Variants in CLSPN observed in about 807,000 individuals in gnomAD.
The protein encoded by CLSPN is claspin, also known as claspin homolog.
A neutral mutation model predicts 156.3 loss-of-function variants in CLSPN; 85 were observed. The ratio of observed to expected loss-of-function variants is 0.54; its 90% CI spans 0.46 to 0.65. CLSPN has a LOEUF of 0.65. Ranked by LOEUF, CLSPN falls within the 30% of genes least tolerant of loss-of-function variation. The probability of loss-of-function intolerance (pLI) is 0.00; values close to 1 mark genes in which losing one functional copy is unlikely to be tolerated. For missense variants in CLSPN, 1,407 were observed against 1,554.9 expected, an observed-to-expected ratio of 0.90 and a Z score of 1.60; for synonymous variants, 534 against 542.4, an observed-to-expected ratio of 0.98 and a Z score of 0.22.
intron 24 of CLSPN, among the ~76,000 whole-genome samples, chr1:35,723,463 T>C (rs1270818429): frequency 2.6e-5 from 4 of 152,146 alleles, no homozygotes; most frequent in Non-Finnish European, 5.9e-5. Context: ...ATCCAGGAAA[T>C]AGGACAGGCC....
Position 35,735,192 on chromosome 1 carries a change from CTGTGG to C in CLSPN, c.*1299_*1303del. 1 of 985,442 alleles carries C rather than the reference CTGTGG, an allele frequency of 1.0e-6. No homozygotes were observed. The highest frequency in any genetic ancestry group is 1.2e-6 in the Non-Finnish European group (1 of 829,932). 61.0% of individuals were successfully genotyped at this position (985,442 alleles called of 1,614,324 possible). A position where few individuals can be genotyped will look rare whatever the true frequency, so the allele number is the denominator to read the frequency against. ...AGGAAGGGTCTCTCTGCCCCACAGA[CTGTGG>C]TGGACAAACACTGGGTGTAACACTT... is the stretch of plus-strand genomic sequence containing the variant. On this transcript the variant is annotated 3_prime_UTR_variant, in exon 25 of 25. Coordinates refer to ENST00000318121, the MANE Select transcript of CLSPN (RefSeq NM_022111.4).
intron 16 of CLSPN, among the ~76,000 whole-genome samples, chr1:35,744,468 A>AT (rs916568779): frequency 6.6e-6 from 1 of 151,662 alleles, no homozygotes; most frequent in African/African-American, 2.4e-5. Context: ...TAATTTTAGT[A>AT]TTTTTTTTAT....
At chr1:35,749,832 C>G (rs11264197) in intron 10 of CLSPN, 21 bp from the exon 11 acceptor site, 2 of 1,599,762 alleles carry the variant, frequency 1.3e-6, no homozygotes, top group East Asian at 2.2e-5. Context: ...CAGGCCACCA[C>G]AAAACAAAAA....
intron 9 of CLSPN, 37 bp from the exon 10 acceptor site, chr1:35,751,543 A>G: frequency 6.3e-7 from 1 of 1,583,008 alleles, no homozygotes; most frequent in East Asian, 2.2e-5. Context: ...TAGACATAAT[A>G]CAATAATTAG....
chr1:35,727,202 C>A (rs1641210256), downstream of CLSPN, among the ~76,000 whole-genome samples: 1 of 152,220 alleles, frequency 6.6e-6, no homozygotes, highest in South Asian at 2.1e-4. Flanking sequence ...TTATTAAGAA[C>A]CTCCTTTGGG....
chr1:35,721,021 G>C (rs768696136), intron 24 of CLSPN: 10 of 1,347,762 alleles, frequency 7.4e-6, no homozygotes, highest in Non-Finnish European at 9.5e-6. Context: ...GGAAGAAACA[G>C]AGATGAGAGA....
chr1:35,769,373 C>T (rs867452237), intron 1 of CLSPN, among the ~76,000 whole-genome samples: 154 of 152,220 alleles, frequency 1.0e-3, no homozygotes, highest in African/African-American at 3.6e-3. Flanking sequence ...AGGGCCTGCG[C>T]GCGATGACCT....
chr1:35,763,797 G>GTTT (rs33972058), intron 3 of CLSPN, among the ~76,000 whole-genome samples: 1 of 139,104 alleles, frequency 7.2e-6, no homozygotes, highest in African/African-American at 2.6e-5. Context: ...TTTGGTTTTT[G>GTTT]TTTTTTTTTT....
Position 35,764,365 on chromosome 1 carries a change from A to C in CLSPN, c.483T>G (p.Thr161=). The part of the protein sequence containing the change: ...SKKHIHDKEG[T]AGKAKVKSKR... ...TTGATTTTACTTTTGCTTTTCCTGC[A>C]GTTCCTTCTTTATCATGTATGTGCT... The change falls in exon 3 of 25, where the codon ACT becomes ACG. Residue 161 remains threonine, a synonymous_variant. Coordinates refer to ENST00000318121, the MANE Select transcript of CLSPN (RefSeq NM_022111.4). The C allele has an allele frequency of 1.2e-6, 2 of 1,610,242 alleles. No homozygotes were observed. The highest frequency in any genetic ancestry group is 1.7e-6 in the Non-Finnish European group (2 of 1,179,172).
At position 35,760,899 on chromosome 1, in the gene CLSPN, G is replaced by A; in HGVS notation, c.1022C>T (p.Ser341Leu). The A allele has an allele frequency of 6.2e-7, 1 of 1,610,202 alleles. No homozygotes were observed. Among genetic ancestry groups the A allele is most frequent in the Admixed American group, 1.7e-5 (1 of 59,800 alleles). Residue 341 changes from serine to leucine, a missense_variant, in exon 8 of 25, where the codon TCA becomes TTA. Ser to Leu is a moderately radical substitution (Grantham distance 145). Transcript: ENST00000318121. ...GTCTATGATTTCTTTGTGATGGCTT[G>A]ACTGATATTTAGATGACCTAGAGAA... ...MALLKSSKYQSSHHKEIIDTA... is the reference protein window; with the variant it reads ...MALLKSSKYQLSHHKEIIDTA...
chr1:35,754,319 T>C (rs1420379217), intron 8 of CLSPN, among the ~76,000 whole-genome samples: 9 of 152,294 alleles, frequency 5.9e-5, no homozygotes, highest in African/African-American at 2.2e-4. Flanking sequence ...TTGGTCTCCT[T>C]TTAAAATTCC....
intron 8 of CLSPN, among the ~76,000 whole-genome samples, chr1:35,754,285 C>T (rs1265775085): frequency 6.6e-6 from 1 of 152,136 alleles, no homozygotes; most frequent in Non-Finnish European, 1.5e-5. Context: ...CTCATCTATT[C>T]AAGGGCTTAA....
At chr1:35,739,587 G>A in intron 18 of CLSPN, 58 bp from the exon 19 acceptor site, 2 of 1,343,352 alleles carry the variant, frequency 1.5e-6, no homozygotes, top group Middle Eastern at 1.9e-4. Context: ...ACAGAATATG[G>A]AAGCAAAGAA....
intron 1 of CLSPN, among the ~76,000 whole-genome samples, 170 bp from the exon 2 acceptor site, chr1:35,765,496 A>T (rs1483840799): frequency 6.6e-6 from 1 of 152,174 alleles, no homozygotes; most frequent in East Asian, 1.9e-4. Context: ...AACAAACAAA[A>T]GTTCATTTTT....
At chr1:35,725,717 C>T (rs766948648) in intron 24 of CLSPN, among the ~76,000 whole-genome samples, 6 of 152,120 alleles carry the variant, frequency 3.9e-5, no homozygotes, top group Non-Finnish European at 7.4e-5. Flanking sequence ...GGGGAGGCCT[C>T]AATAGGATTT....
downstream of CLSPN, among the ~76,000 whole-genome samples, chr1:35,728,658 A>C (rs139171013): frequency 2.1e-3 from 312 of 152,022 alleles, no homozygotes; most frequent in African/African-American, 7.3e-3. Flanking sequence ...TGCACCTCTC[A>C]CTAACCTGCC....
chr1:35,762,994 A>G (rs1642536571), intron 4 of CLSPN, among the ~76,000 whole-genome samples, 166 bp downstream of exon 4: 1 of 152,044 alleles, frequency 6.6e-6, no homozygotes, highest in Admixed American at 6.6e-5. Flanking sequence ...TAGCATGTCT[A>G]TCACTTGTAC....
intron 18 of CLSPN, among the ~76,000 whole-genome samples, chr1:35,742,001 A>AAAAT (rs71062895): frequency 6.9e-6 from 1 of 144,852 alleles, no homozygotes; most frequent in Non-Finnish European, 1.5e-5. Context: ...AAAAAAAAAA[A>AAAAT]GCTGGGCCTG....
In CLSPN at chr1:35,733,607, A is replaced by T. The variant is rs1001853238; in HGVS notation, c.*2889T>A. ...TGGGAACTGTTTAGAGAGTTCAAAGAAAGAGGCAAAAACATGTATCTTGAA... is the reference window on the plus strand; with the variant it reads ...TGGGAACTGTTTAGAGAGTTCAAAGTAAGAGGCAAAAACATGTATCTTGAA... On this transcript the variant is annotated 3_prime_UTR_variant, in exon 25 of 25. Coordinates refer to ENST00000318121, the MANE Select transcript of CLSPN (RefSeq NM_022111.4). 2.0e-6 allele frequency: 2 copies of T among 982,990 alleles called. No homozygotes were observed. The highest frequency in any genetic ancestry group is 3.6e-5 in the African/African-American group (2 of 55,164). 60.9% of individuals were successfully genotyped at this position (982,990 alleles called of 1,614,324 possible).
Sources: allele counts gnomAD v4.1 joint callset (sites outside exome capture counted in the v4.1 genomes callset), GRCh38; gene constraint gnomAD v4.1.1; transcripts MANE v1.5; gene names NCBI Gene and HGNC (gene_info 2026-07-23, HGNC 2026-07-21).